The following FGR variants were observed in gnomAD, a reference collection of about 807,000 sequenced individuals.
FGR encodes the protein tyrosine-protein kinase Fgr.
FGR carries 26 observed loss-of-function variants against 63.2 expected under a neutral mutation model. The observed-to-expected ratio is 0.41, with a 90% CI of 0.30 to 0.57. The LOEUF (loss-of-function observed/expected upper bound fraction) is 0.57, where lower values mean the gene tolerates loss of function less well. Ranked by LOEUF, FGR falls within the 20% of genes least tolerant of loss-of-function variation. The pLI, the probability that FGR is intolerant of heterozygous loss-of-function variation, is 0.27. For synonymous variants in FGR, 286 were observed against 277.7 expected (o/e 1.03, Z -0.30); for missense variants, 511 against 690.8 (o/e 0.74, Z 2.92).
At chr1:27,621,753 T>C in intron 4 of FGR, 96 bp from the exon 5 acceptor site, 2 of 858,262 alleles carry the variant, frequency 2.3e-6, no homozygotes, top group Middle Eastern at 2.3e-4. Context: ...AGATGAATCC[T>C]GCCAAACCCT....
chr1:27,621,329 C>T (rs74317741), intron 5 of FGR, among the ~76,000 whole-genome samples: 1,558 of 152,242 alleles, frequency 0.01, 9 homozygotes, highest in Middle Eastern at 0.02. Context: ...TTTCTAACCC[C>T]GTTAATACAC....
At chr1:27,627,960 C>A (rs1344456999) in intron 1 of FGR, among the ~76,000 whole-genome samples, 1 of 152,040 alleles carries the variant, frequency 6.6e-6, no homozygotes, top group South Asian at 2.1e-4. Context: ...GGTTTGGAAA[C>A]CTGCCCAGGG....
chr1:27,631,837 G>A (rs117139512), intron 1 of FGR, among the ~76,000 whole-genome samples: 3 of 152,162 alleles, frequency 2.0e-5, no homozygotes, highest in East Asian at 1.9e-4. Flanking sequence ...CCGGGACTTT[G>A]GGCAGGGGCA....
intron 1 of FGR, among the ~76,000 whole-genome samples, chr1:27,628,556 CAG>C (rs1553170168): frequency 2.0e-4 from 28 of 143,536 alleles, no homozygotes; most frequent in South Asian, 6.6e-4. Context: ...CACACACACA[CAG>C]ATATACACAG....
chr1:27,617,223 A>G lies in FGR; in HGVS notation c.502T>C (p.Phe168Leu). ...GTGGTCTCGCTTTCCCGAATGAGAAAGGCCCCCTGGGGGTTGCCTGGTGAA... is the reference window on the plus strand; with the variant it reads ...GTGGTCTCGCTTTCCCGAATGAGAAGGGCCCCCTGGGGGTTGCCTGGTGAA... ...LLSPGNPQGA[F>L]LIRESETTKG... Residue 168 changes from phenylalanine to leucine, a missense_variant, in exon 6 of 13, where the codon TTT (phenylalanine) becomes CTT (leucine). Physicochemically the swap from Phe to Leu is conservative, Grantham distance 22. Transcript: ENST00000374005. This position sits in a 1 kb window ranked among gnomAD's most constrained non-coding sequence, Gnocchi z 4.5. 1 of 1,614,146 alleles carries G rather than the reference A, an allele frequency of 6.2e-7. No individual in the cohort carries two copies. The highest frequency in any genetic ancestry group is 8.5e-7 in the Non-Finnish European group (1 of 1,179,998).
intron 1 of FGR, among the ~76,000 whole-genome samples, chr1:27,632,558 T>G (rs1411197498): frequency 6.6e-6 from 1 of 152,182 alleles, no homozygotes; most frequent in African/African-American, 2.4e-5. Context: ...GCCAGGTGTG[T>G]GCAGGATCGG....
Position 27,615,067 on chromosome 1 carries a change from T to G in FGR, c.1019-141A>C. On this transcript the variant is annotated intron_variant, in intron 9 of 12. Coordinates refer to ENST00000374005, the MANE Select transcript of FGR (RefSeq NM_005248.3). This position sits in a 1 kb window ranked among gnomAD's most constrained non-coding sequence, Gnocchi z 7.6. Reference sequence around the variant, plus strand: ...CCCCGCGGGTGCCTCAACCCCTCACTTGTCTCGTCCTGGCCCTGCTGCCAG... The same window carrying G: ...CCCCGCGGGTGCCTCAACCCCTCACGTGTCTCGTCCTGGCCCTGCTGCCAG... 4.6e-6 allele frequency: 3 copies of G among 653,824 alleles called. No homozygotes were observed. The South Asian group carries it at 5.2e-5, about 11-fold the overall frequency. The allele number at this position is 653,824 out of a possible 1,614,324, so 40.5% of individuals were successfully genotyped here. A position where few individuals can be genotyped will look rare whatever the true frequency, so the allele number is the denominator to read the frequency against.
In FGR at chr1:27,616,931, A is replaced by G; in HGVS notation, c.608T>C (p.Leu203Pro). Residue 203 changes from leucine to proline, a missense_variant, in exon 7 of 13, where the codon CTG (leucine) becomes CCG (proline). Physicochemically the swap from Leu to Pro is moderately conservative, Grantham distance 98. Transcript: ENST00000374005. The surrounding 1 kb of genome is among the most constrained non-coding windows in gnomAD (Gnocchi z 4.3). The stretch of plus-strand genomic sequence containing the variant: ...GGTGATGTAGTAGCCGCCCATGTCC[A>G]GTTTGCGGATCTTGTAATGCTTCAC... ...DHVKHYKIRK[L>P]DMGGYYITTR... 6.2e-7 allele frequency: 1 copy of G among 1,614,122 alleles called. No homozygotes were observed. The highest frequency in any genetic ancestry group is 8.5e-7 in the Non-Finnish European group (1 of 1,180,022).
intron 1 of FGR, 125 bp from the exon 2 acceptor site, chr1:27,625,276 C>T (rs1427351433): frequency 6.5e-6 from 1 of 152,984 alleles, no homozygotes; most frequent in East Asian, 1.9e-4. Context: ...TGACTTCTGC[C>T]TTCACTTTCC....
chr1:27,625,840 G>A (rs1384603006), intron 1 of FGR, among the ~76,000 whole-genome samples: 1 of 152,224 alleles, frequency 6.6e-6, no homozygotes, highest in African/African-American at 2.4e-5. Context: ...TTGGGAGGCC[G>A]AGGCAGCAGA....
At chr1:27,622,261 C>T (rs2089942786) in intron 4 of FGR, among the ~76,000 whole-genome samples, 2 of 148,358 alleles carry the variant, frequency 1.3e-5, no homozygotes, top group African/African-American at 5.0e-5. Context: ...TGCACTCCAG[C>T]CCGGGAGACA....
Position 27,613,042 on chromosome 1 carries a change from A to T in FGR, c.1462T>A (p.Tyr488Asn). ...CGCCAGGTCTGTTCCATGGCCTCGTACAGGGATGCTGGGCAGCCTGGAGGG... is the reference window on the plus strand; with the variant it reads ...CGCCAGGTCTGTTCCATGGCCTCGTTCAGGGATGCTGGGCAGCCTGGAGGG... ...PCPPGCPASLYEAMEQTWRLD... is the reference protein window; with the variant it reads ...PCPPGCPASLNEAMEQTWRLD... Residue 488 changes from tyrosine (Y) to asparagine (N), a missense_variant, in exon 13 of 13, where the codon TAC (tyrosine) becomes AAC (asparagine). Coordinates refer to ENST00000374005, the MANE Select transcript of FGR (RefSeq NM_005248.3). 1 of 1,614,164 alleles carries T rather than the reference A, an allele frequency of 6.2e-7. No individual in the cohort carries two copies. The highest frequency in any genetic ancestry group is 8.5e-7 in the Non-Finnish European group (1 of 1,180,028).
At chr1:27,628,681 A>C (rs953143295) in intron 1 of FGR, among the ~76,000 whole-genome samples, 1 of 151,970 alleles carries the variant, frequency 6.6e-6, no homozygotes, top group African/African-American at 2.4e-5. Context: ...AATAATACCC[A>C]CGTATATATT....
At chr1:27,630,481 G>A (rs895488119) in intron 1 of FGR, among the ~76,000 whole-genome samples, 22 of 152,046 alleles carry the variant, frequency 1.4e-4, no homozygotes, top group African/African-American at 5.1e-4. Flanking sequence ...CTGCAATAAC[G>A]TGTGTCTCTT....
Position 27,612,988 on chromosome 1 carries a change from C to G in FGR, c.1516G>C (p.Glu506Gln). 1 of 1,614,184 alleles carries G rather than the reference C, an allele frequency of 6.2e-7. No homozygotes were observed. The highest frequency in any genetic ancestry group is 8.5e-7 in the Non-Finnish European group (1 of 1,180,026). ...RLDPEERPTF[E>Q]YLQSFLEDYF... is the part of the protein sequence containing the mutation. Reference sequence around the variant, plus strand: ...TCCTCCAGGAAGGACTGCAGGTACTCGAAGGTAGGCCTCTCCTCCGGGTCC... The same window carrying G: ...TCCTCCAGGAAGGACTGCAGGTACTGGAAGGTAGGCCTCTCCTCCGGGTCC... Residue 506 changes from glutamate to glutamine, a missense_variant, in exon 13 of 13, where the codon GAG becomes CAG. Glu to Gln is a conservative substitution (Grantham distance 29). Transcript: ENST00000374005.
At chr1:27,624,124 T>TC in intron 2 of FGR, 195 bp from the exon 3 acceptor site, 1 of 527,594 alleles carries the variant, frequency 1.9e-6, no homozygotes, top group African/African-American at 1.9e-5. Flanking sequence ...TCACAGTATG[T>TC]CCCCCCTCAG....
rs757742929 is a variant in FGR, at chr1:27,614,365, G to A, written c.1249+65C>T. 1.0e-5 allele frequency: 16 copies of A among 1,552,164 alleles called. No homozygotes were observed. In the Admixed American group the frequency reaches 1.1e-4, roughly 10 times the overall value. On this transcript the variant is annotated intron_variant, in intron 11 of 12. Transcript: ENST00000374005. Reference sequence around the variant, plus strand: ...GGAGTGAGGAAGGGTTCCTGAGTGCGTGGGGCCCCATGGAAGTCCCTTGTT... The same window carrying A: ...GGAGTGAGGAAGGGTTCCTGAGTGCATGGGGCCCCATGGAAGTCCCTTGTT...
chr1:27,628,195 A>AC (rs1395872682), intron 1 of FGR, among the ~76,000 whole-genome samples: 3 of 150,884 alleles, frequency 2.0e-5, no homozygotes, highest in African/African-American at 7.4e-5. Flanking sequence ...ACAAAAAAAA[A>AC]CCAAAAAAAC....
chr1:27,616,791 C>T lies in FGR; in HGVS notation c.682+66G>A. ...TGGTAGTCCCTTCCCTTCTCTGGGC[C>T]TCAGTTCCCCCATCTGGACAATGCT... On this transcript the variant is annotated intron_variant, in intron 7 of 12. Transcript: ENST00000374005. This position sits in a 1 kb window ranked among gnomAD's most constrained non-coding sequence, Gnocchi z 4.3. The T allele has an allele frequency of 6.4e-7, 1 of 1,564,468 alleles. No individual in the cohort carries two copies. Among genetic ancestry groups the T allele is most frequent in the Non-Finnish European group, 8.8e-7 (1 of 1,136,574 alleles).
Sources: gnomAD v4.1 joint callset for allele counts (sites outside exome capture counted in the v4.1 genomes callset) on GRCh38, gnomAD v4.1.1 for gene constraint, Gnocchi (gnomAD v3.1) non-coding constraint, MANE v1.5 for transcripts, NCBI Gene and HGNC (gene_info 2026-07-23, HGNC 2026-07-21) for gene names.